PALLD: variants seen among roughly 807,000 people sequenced by gnomAD.
The protein encoded by PALLD is palladin.
A neutral mutation model predicts 123.5 loss-of-function variants in PALLD; 61 were observed. The ratio of observed to expected loss-of-function variants is 0.49; its 90% CI spans 0.40 to 0.61. The LOEUF is 0.61. PALLD is among the 20% of genes least tolerant of loss of function. PALLD has a pLI of 0.00. For missense variants in PALLD, 1,273 were observed against 1,377.0 expected (o/e 0.92, Z 1.20); for synonymous variants, 465 against 496.4 (o/e 0.94, Z 0.84).
In PALLD at chr4:168,877,976, G is replaced by A. The variant is rs1437348040; in HGVS notation, c.1965-12946G>A. On this transcript the variant is annotated intron_variant, in intron 10 of 21. Coordinates refer to ENST00000505667, the MANE Select transcript of PALLD (RefSeq NM_001166108.2). ...CGCGCGCCCCAAGCAGTTCATCGCC[G>A]CGCAGAACCTCGGGCCCGCGTCGGG... 5 of 1,501,224 alleles carry A rather than the reference G, an allele frequency of 3.3e-6. No individual in the cohort carries two copies. The highest frequency in any genetic ancestry group is 4.4e-6 in the Non-Finnish European group (5 of 1,130,704). 93.0% of individuals were successfully genotyped at this position (1,501,224 alleles called of 1,614,324 possible).
At chr4:168,573,177 G>A (rs1163602191) in intron 2 of PALLD, among the ~76,000 whole-genome samples, 1 of 151,602 alleles carries the variant, frequency 6.6e-6, no homozygotes, top group Non-Finnish European at 1.5e-5. Flanking sequence ...TGCCTGGAGT[G>A]CTCTTTTTCC....
intron 10 of PALLD, among the ~76,000 whole-genome samples, chr4:168,736,522 G>A (rs1310127826): frequency 2.0e-5 from 3 of 152,198 alleles, no homozygotes; most frequent in Non-Finnish European, 4.4e-5. Flanking sequence ...GACTTCTTAA[G>A]TGCCATTGAA....
At chr4:168,555,178 T>C (rs1767150605) in intron 2 of PALLD, among the ~76,000 whole-genome samples, 2 of 152,224 alleles carry the variant, frequency 1.3e-5, no homozygotes, top group Non-Finnish European at 2.9e-5. Context: ...GGATGTTCCC[T>C]GGGGTGTTTT....
chr4:168,605,620 T>C (rs1241533191), intron 2 of PALLD, among the ~76,000 whole-genome samples: 3 of 152,198 alleles, frequency 2.0e-5, no homozygotes, highest in Admixed American at 2.0e-4. Flanking sequence ...CAGGGGAGCC[T>C]GGACTGAACG....
At chr4:168,759,198 AAAAAATATATATATATATATATAT>A (rs1333509682) in intron 10 of PALLD, among the ~76,000 whole-genome samples, 2 of 31,704 alleles carry the variant, frequency 6.3e-5, no homozygotes, top group African/African-American at 3.2e-4. Context: ...AAAAAAAAAA[AAAAAATATATATATATATATATAT>A]ATATATATAT....
At chr4:168,661,511 C>G (rs370810887) in intron 2 of PALLD, among the ~76,000 whole-genome samples, 1 of 152,210 alleles carries the variant, frequency 6.6e-6, no homozygotes, top group Non-Finnish European at 1.5e-5. Flanking sequence ...AATTTTCATA[C>G]GCTGTTTATG....
chr4:168,808,256 G>A (rs769974260), intron 10 of PALLD, among the ~76,000 whole-genome samples: 83 of 151,672 alleles, frequency 5.5e-4, no homozygotes, highest in African/African-American at 1.9e-3. Flanking sequence ...TGAGGTGGGC[G>A]GATCACAAGG....
chr4:168,904,583 G>A (rs1460011567), intron 15 of PALLD, among the ~76,000 whole-genome samples: 1 of 151,966 alleles, frequency 6.6e-6, no homozygotes, highest in African/African-American at 2.4e-5. Flanking sequence ...ATACAAAAAT[G>A]AGTAAAAAGT....
intron 2 of PALLD, among the ~76,000 whole-genome samples, chr4:168,658,285 G>GTTTTTTTTT (rs66527351): frequency 3.0e-5 from 4 of 131,644 alleles, no homozygotes; most frequent in African/African-American, 6.0e-5. Context: ...TTTTTATTTG[G>GTTTTTTTTT]TTTTTTTTTT....
intron 2 of PALLD, among the ~76,000 whole-genome samples, chr4:168,589,952 C>G (rs964819668): frequency 3.3e-5 from 5 of 152,196 alleles, no homozygotes; most frequent in African/African-American, 1.2e-4. Flanking sequence ...ACAAGGATGT[C>G]CATTTGCACC....
intron 21 of PALLD, 76 bp from the exon 22 acceptor site, chr4:168,926,137 G>T (rs1762545884): frequency 8.3e-7 from 1 of 1,200,804 alleles, no homozygotes; most frequent in South Asian, 1.7e-5. Flanking sequence ...TAGACATTCT[G>T]TATTTATTTG....
At chr4:168,809,629 A>C (rs1174443615) in intron 10 of PALLD, among the ~76,000 whole-genome samples, 1 of 152,190 alleles carries the variant, frequency 6.6e-6, no homozygotes, top group Admixed American at 6.5e-5. Flanking sequence ...TTGGAAGGCC[A>C]AGGTGGGTGG....
chr4:168,619,472 G>A (rs1225615065), intron 2 of PALLD, among the ~76,000 whole-genome samples: 1 of 152,236 alleles, frequency 6.6e-6, no homozygotes, highest in Admixed American at 6.5e-5. Context: ...AATCCAACCT[G>A]CACATGAAGA....
intron 10 of PALLD, among the ~76,000 whole-genome samples, chr4:168,719,821 A>G (rs1036159096): frequency 1.7e-4 from 26 of 152,124 alleles, no homozygotes; most frequent in African/African-American, 6.0e-4. Context: ...CTGAGTAAGA[A>G]TATGTGGTAT....
chr4:168,549,936 C>T (rs1307828771), intron 2 of PALLD, among the ~76,000 whole-genome samples: 2 of 152,138 alleles, frequency 1.3e-5, no homozygotes, highest in Non-Finnish European at 2.9e-5. Context: ...GACAATAATT[C>T]ATTTATGTAG....
chr4:168,746,823 G>A (rs546919685), intron 10 of PALLD, among the ~76,000 whole-genome samples: 14 of 152,264 alleles, frequency 9.2e-5, no homozygotes, highest in South Asian at 4.2e-4. Context: ...GTTATCAAAA[G>A]GGGTTGAGAC....
At chr4:168,648,784 T>G (rs1474671849) in intron 2 of PALLD, 2 of 152,248 alleles carry the variant, frequency 1.3e-5, no homozygotes, top group African/African-American at 4.8e-5. Flanking sequence ...TGTATTTTGT[T>G]TTCTTCATAA....
chr4:168,833,231 G>C (rs1744583204), intron 10 of PALLD, among the ~76,000 whole-genome samples: 1 of 152,102 alleles, frequency 6.6e-6, no homozygotes, highest in Admixed American at 6.5e-5. Flanking sequence ...GGGACGGAAG[G>C]GGGCGCGCTG....
At chr4:168,617,508 G>A (rs560595859) in intron 2 of PALLD, among the ~76,000 whole-genome samples, 4 of 152,084 alleles carry the variant, frequency 2.6e-5, no homozygotes, top group Admixed American at 6.5e-5. Flanking sequence ...ACTAGGGGCC[G>A]GCCAGTCAAG....
Sources: gnomAD v4.1 joint callset for allele counts (sites outside exome capture counted in the v4.1 genomes callset) on GRCh38, gnomAD v4.1.1 for gene constraint, MANE v1.5 for transcripts, NCBI Gene and HGNC (gene_info 2026-07-23, HGNC 2026-07-21) for gene names.